Variants in GRID1 observed in about 807,000 individuals in gnomAD.
GRID1 encodes glutamate receptor ionotropic, delta-1.
In GRID1, 28 loss-of-function variants were observed where a neutral mutation model predicts 98.0. The observed-to-expected ratio is 0.29, with a 90% CI of 0.21 to 0.39. GRID1 has a LOEUF of 0.39. GRID1 is among the 10% of genes least tolerant of loss of function. The pLI is 1.00. For synonymous variants in GRID1, 553 were observed against 538.5 expected (o/e 1.03, Z -0.37); for missense variants, 1,111 against 1,340.5 (o/e 0.83, Z 2.67).
intron 11 of GRID1, 53 bp downstream of exon 11, chr10:85,724,299 A>G: frequency 1.4e-6 from 2 of 1,412,054 alleles, no homozygotes; most frequent in South Asian, 1.3e-5. Flanking sequence ...GCCAATGGAT[A>G]AGTTCTTCCA....
chr10:86,048,788 T>A (rs567463324), intron 4 of GRID1, among the ~76,000 whole-genome samples: 1 of 152,362 alleles, frequency 6.6e-6, no homozygotes, highest in South Asian at 2.1e-4. Context: ...AGTGTCAACA[T>A]GTAATAATAA....
intron 8 of GRID1, among the ~76,000 whole-genome samples, chr10:85,768,823 T>C (rs192789697): frequency 1.3e-4 from 20 of 152,370 alleles, no homozygotes; most frequent in Admixed American, 7.8e-4. Context: ...TGGAGGCAAC[T>C]TGGCAATATT....
intron 3 of GRID1, among the ~76,000 whole-genome samples, chr10:86,152,884 T>C (rs754092380): frequency 1.6e-4 from 25 of 152,356 alleles, no homozygotes; most frequent in Admixed American, 5.9e-4. Context: ...AGCTTTCCAC[T>C]GACCTCATGA....
At chr10:85,629,471 A>T (rs1260269597) in intron 13 of GRID1, among the ~76,000 whole-genome samples, 1 of 150,954 alleles carries the variant, frequency 6.6e-6, no homozygotes, top group East Asian at 2.0e-4. Flanking sequence ...CTTAAAAGTG[A>T]GAACATGTGG....
chr10:86,324,859 C>G (rs1006060155), intron 2 of GRID1, among the ~76,000 whole-genome samples: 25 of 151,712 alleles, frequency 1.6e-4, no homozygotes, highest in Admixed American at 1.3e-3. Context: ...AACAAACACC[C>G]AGGAAGGTTC....
At chr10:86,218,926 G>A (rs994493316) in intron 2 of GRID1, among the ~76,000 whole-genome samples, 3 of 152,210 alleles carry the variant, frequency 2.0e-5, no homozygotes, top group South Asian at 4.1e-4. Context: ...AGGACAATGC[G>A]GGATGTACAT....
chr10:86,006,728 T>A (rs1445314891), intron 4 of GRID1, among the ~76,000 whole-genome samples: 1 of 150,558 alleles, frequency 6.6e-6, no homozygotes. Context: ...TGAACACAAG[T>A]ACATGAGGTT....
chr10:86,160,604 A>T (rs1408077515), intron 3 of GRID1, among the ~76,000 whole-genome samples: 1 of 152,250 alleles, frequency 6.6e-6, no homozygotes, highest in African/African-American at 2.4e-5. Flanking sequence ...CTGCCCAGAC[A>T]TGCTGAGCAG....
intron 12 of GRID1, among the ~76,000 whole-genome samples, chr10:85,692,664 TA>T (rs59335128): frequency 1.8e-4 from 24 of 136,194 alleles, no homozygotes; most frequent in Non-Finnish European, 2.6e-4. Context: ...GAGACCCTGT[TA>T]AAAAAAAAAA....
intron 12 of GRID1, 132 bp downstream of exon 12, chr10:85,722,871 T>A: frequency 1.8e-6 from 1 of 541,576 alleles, no homozygotes; most frequent in Non-Finnish European, 2.9e-6. Flanking sequence ...CTCCATGCAC[T>A]AAAGATTCCA....
chr10:85,617,264 G>T (rs749220649), intron 14 of GRID1, among the ~76,000 whole-genome samples: 38 of 143,786 alleles, frequency 2.6e-4, no homozygotes, highest in Non-Finnish European at 2.7e-4. Flanking sequence ...ACAGGGTCAC[G>T]TTTTGTCACA....
intron 6 of GRID1, among the ~76,000 whole-genome samples, chr10:85,863,619 C>T (rs1350566655): frequency 6.6e-6 from 1 of 152,156 alleles, no homozygotes; most frequent in African/African-American, 2.4e-5. Context: ...AGATAATAAG[C>T]ATATAAACCC....
At chr10:85,924,543 C>T (rs1008190823) in intron 4 of GRID1, among the ~76,000 whole-genome samples, 1 of 152,150 alleles carries the variant, frequency 6.6e-6, no homozygotes, top group Non-Finnish European at 1.5e-5. Flanking sequence ...GATGCTAGTT[C>T]CCATATATCA....
chr10:86,294,016 G>A (rs1169429317), intron 2 of GRID1, among the ~76,000 whole-genome samples: 3 of 152,224 alleles, frequency 2.0e-5, no homozygotes, highest in African/African-American at 7.2e-5. Context: ...GGATGATAGA[G>A]TATATTCGCG....
At chr10:86,100,963 G>C (rs1844287629) in intron 4 of GRID1, among the ~76,000 whole-genome samples, 1 of 152,166 alleles carries the variant, frequency 6.6e-6, no homozygotes, top group Admixed American at 6.5e-5. Flanking sequence ...ACTTGAGGCT[G>C]TTTGTTATGC....
rs147988234 is a variant in GRID1, at chr10:85,825,383, G to GT, written c.1233+29112dup. On this transcript the variant is annotated intron_variant, in intron 8 of 15. Transcript: ENST00000327946. ...CATTTGTCCATTTTCTGATGGGATT[G>GT]TTTTTTTTTTTCTTGCTGATTTATT... Among the ~76,000 whole-genome samples, 166 of 146,438 alleles carry GT rather than the reference G, an allele frequency of 1.1e-3. 1 individual carries two copies. Among genetic ancestry groups the GT allele is most frequent in the African/African-American group, 2.8e-3 (112 of 40,090 alleles).
At chr10:85,919,503 C>G (rs1002825604) in intron 4 of GRID1, among the ~76,000 whole-genome samples, 3 of 152,172 alleles carry the variant, frequency 2.0e-5, no homozygotes, top group Non-Finnish European at 4.4e-5. Flanking sequence ...CTGCCTGCCT[C>G]CCCCTGTCCC....
At position 86,278,284 on chromosome 10, in the gene GRID1, G is replaced by C. The variant is rs944189544; in HGVS notation, c.236-71636C>G. ...ATACTATTTTTTAAATTGACTGTAA[G>C]TCAAAACTGTAAGAAGAGATAAAGT... is the stretch of plus-strand genomic sequence containing the variant. On this transcript the variant is annotated intron_variant, in intron 2 of 15. Transcript: ENST00000327946. Among the ~76,000 whole-genome samples the C allele has an allele frequency of 2.0e-5, 3 of 152,226 alleles. No homozygotes were observed. In the Middle Eastern group the frequency reaches 0.01, roughly 518 times the overall value.
chr10:85,964,713 T>C (rs1229410412), intron 4 of GRID1, among the ~76,000 whole-genome samples: 2 of 152,206 alleles, frequency 1.3e-5, no homozygotes, highest in African/African-American at 2.4e-5. Flanking sequence ...GGCAGTACCA[T>C]TCAGGACATA....
Sources: gnomAD v4.1 joint callset for allele counts (sites outside exome capture counted in the v4.1 genomes callset) on GRCh38, gnomAD v4.1.1 for gene constraint, MANE v1.5 for transcripts, NCBI Gene and HGNC (gene_info 2026-07-23, HGNC 2026-07-21) for gene names.